Variants in DPP6 observed in about 807,000 individuals in gnomAD.
The protein encoded by DPP6 is dipeptidyl peptidase like 6.
A neutral mutation model predicts 122.6 loss-of-function variants in DPP6; 69 were observed. The observed-to-expected ratio is 0.56, with a 90% CI of 0.46 to 0.69. The LOEUF is 0.69. Among genes scored for constraint, DPP6 ranks in the 30% least tolerant of loss-of-function variants. The pLI is 0.00. For synonymous variants in DPP6, 418 were observed against 433.1 expected, an observed-to-expected ratio of 0.97 and a Z score of 0.43; for missense variants, 928 against 1,116.9, an observed-to-expected ratio of 0.83 and a Z score of 2.41.
intron 1 of DPP6, among the ~76,000 whole-genome samples, chr7:154,234,178 G>C (rs1426194466): frequency 6.6e-6 from 1 of 152,184 alleles, no homozygotes; most frequent in Non-Finnish European, 1.5e-5. Context: ...TCAGATAGAG[G>C]AAACAGCAGG....
upstream of DPP6, among the ~76,000 whole-genome samples, chr7:153,886,132 C>T (rs1227486510): frequency 6.6e-6 from 1 of 151,228 alleles, no homozygotes; most frequent in Non-Finnish European, 1.5e-5. Flanking sequence ...CACACACACA[C>T]ACACACACAC....
chr7:154,531,034 A>T (rs2130113891), intron 3 of DPP6, among the ~76,000 whole-genome samples: 1 of 152,250 alleles, frequency 6.6e-6, no homozygotes, highest in African/African-American at 2.4e-5. Flanking sequence ...CAGGAAGAAT[A>T]GCTAATGGAT....
chr7:154,060,632 G>A lies in DPP6; in HGVS notation c.243+7569G>A, dbSNP rs370801902. On this transcript the variant is annotated intron_variant, in intron 1 of 25. Transcript: ENST00000377770. ...CCCCCTGGCTCTGAGGACCCCCATC[G>A]CAGGAGGGGGAGGCACCCCCCACGA... Among the ~76,000 whole-genome samples, 785 of 118,478 alleles carry A rather than the reference G, an allele frequency of 6.6e-3. 5 individuals carry two copies. The highest frequency in any genetic ancestry group is 8.9e-3 in the Non-Finnish European group (494 of 55,598). The allele number at this position is 118,478 out of a possible 152,430, so 77.7% of individuals were successfully genotyped here. A position where few individuals can be genotyped will look rare whatever the true frequency, so the allele number is the denominator to read the frequency against.
At chr7:154,084,683 AT>A (rs1422280058) in intron 1 of DPP6, among the ~76,000 whole-genome samples, 1 of 136,932 alleles carries the variant, frequency 7.3e-6, no homozygotes, top group African/African-American at 2.8e-5. Context: ...AACAAATATC[AT>A]GGCTCCTTAA....
intron 1 of DPP6, among the ~76,000 whole-genome samples, chr7:154,334,440 A>G (rs1157193240): frequency 3.9e-5 from 6 of 152,176 alleles, no homozygotes; most frequent in Non-Finnish European, 7.3e-5. Context: ...CAGGGTTTGG[A>G]GGTCCCCAAG....
intron 5 of DPP6, among the ~76,000 whole-genome samples, chr7:154,592,438 C>T (rs1255330745): frequency 6.6e-6 from 1 of 152,250 alleles, no homozygotes. Context: ...CAGGCGCTCT[C>T]GCAGGCACAG....
chr7:154,260,958 T>G (rs186898455), intron 1 of DPP6, among the ~76,000 whole-genome samples: 9 of 152,098 alleles, frequency 5.9e-5, no homozygotes, highest in African/African-American at 2.2e-4. Context: ...TGCAATGGTG[T>G]GATCTCAGCT....
At chr7:154,806,907 T>A in intron 15 of DPP6, 87 bp from the exon 16 acceptor site, 5 of 1,552,172 alleles carry the variant, frequency 3.2e-6, no homozygotes. Flanking sequence ...ATCACCCTCA[T>A]GGGGAGAGCC....
upstream of DPP6, among the ~76,000 whole-genome samples, chr7:153,885,983 G>A (rs762144831): frequency 5.3e-5 from 8 of 152,060 alleles, no homozygotes; most frequent in Non-Finnish European, 7.4e-5. Flanking sequence ...TCATGAGCTC[G>A]AAAGTGACCT....
intron 1 of DPP6, among the ~76,000 whole-genome samples, chr7:154,005,336 G>A (rs1797867092): frequency 1.3e-5 from 2 of 152,264 alleles, no homozygotes; most frequent in Admixed American, 1.3e-4. Flanking sequence ...GCTTTGCTCA[G>A]GGGCCGGGGG....
chr7:154,265,547 G>T (rs1264734491), intron 1 of DPP6, among the ~76,000 whole-genome samples: 1 of 152,104 alleles, frequency 6.6e-6, no homozygotes. Flanking sequence ...CAATCATGTT[G>T]TAACTTTTAA....
intron 1 of DPP6, among the ~76,000 whole-genome samples, chr7:154,439,126 G>T (rs1819148276): frequency 6.6e-6 from 1 of 152,134 alleles, no homozygotes; most frequent in African/African-American, 2.4e-5. Flanking sequence ...TAGTTTGTTA[G>T]TTACTTAATA....
chr7:154,869,332 C>A (rs541009194), intron 18 of DPP6, among the ~76,000 whole-genome samples: 1 of 152,266 alleles, frequency 6.6e-6, no homozygotes, highest in South Asian at 2.1e-4. Context: ...CAAGGCTCAC[C>A]CCACGAAACA....
intron 5 of DPP6, among the ~76,000 whole-genome samples, chr7:154,581,848 G>C (rs1019792158): frequency 3.3e-5 from 5 of 152,138 alleles, no homozygotes; most frequent in African/African-American, 9.7e-5. Context: ...GGAATGTCCC[G>C]GGGTTACCGA....
At chr7:154,429,274 C>T (rs560324506) in intron 1 of DPP6, among the ~76,000 whole-genome samples, 15 of 152,036 alleles carry the variant, frequency 9.9e-5, no homozygotes, top group South Asian at 2.1e-4. Flanking sequence ...AATCCACGTG[C>T]GAGCACAGCA....
intron 1 of DPP6, among the ~76,000 whole-genome samples, chr7:154,360,632 G>T (rs79270091): frequency 7.2e-5 from 11 of 152,292 alleles, no homozygotes; most frequent in Admixed American, 6.5e-5. Flanking sequence ...CTGAAAGCAC[G>T]GTAGAAGATG....
At chr7:154,791,200 C>G (rs1220025149) in intron 10 of DPP6, among the ~76,000 whole-genome samples, 1 of 151,808 alleles carries the variant, frequency 6.6e-6, no homozygotes, top group Non-Finnish European at 1.5e-5. Flanking sequence ...TGCAGTGAGC[C>G]AAGATATTGT....
At chr7:154,351,103 T>G (rs1387040281) in intron 1 of DPP6, among the ~76,000 whole-genome samples, 3 of 152,250 alleles carry the variant, frequency 2.0e-5, no homozygotes, top group Non-Finnish European at 4.4e-5. Flanking sequence ...ACGTGACTTC[T>G]AAGCAGCAAG....
rs982961751 is a variant in DPP6, at chr7:154,053,082, C to T, written c.243+19C>T. ...GGAGGACGTAAGAGCTTCTCGGGGGCGGGGGGCGGCGGCGGGTTCTCCGGG... is the reference window on the plus strand; with the variant it reads ...GGAGGACGTAAGAGCTTCTCGGGGGTGGGGGGCGGCGGCGGGTTCTCCGGG... On this transcript the variant is annotated intron_variant, in intron 1 of 25. Coordinates refer to ENST00000377770, the MANE Select transcript of DPP6 (RefSeq NM_130797.4). 9.7e-7 allele frequency: 1 copy of T among 1,034,244 alleles called. No individual in the cohort carries two copies. The allele number at this position is 1,034,244 out of a possible 1,614,324, so 64.1% of individuals were successfully genotyped here. A position where few individuals can be genotyped will look rare whatever the true frequency, so the allele number is the denominator to read the frequency against.
Sources: gnomAD v4.1 joint callset for allele counts (sites outside exome capture counted in the v4.1 genomes callset) on GRCh38, gnomAD v4.1.1 for gene constraint, MANE v1.5 for transcripts, NCBI Gene and HGNC (gene_info 2026-07-23, HGNC 2026-07-21) for gene names.